The following FBLN7 variants were observed in gnomAD, a reference collection of about 807,000 sequenced individuals.
FBLN7 encodes the protein fibulin 7, also known as fibulin-7.
FBLN7 carries 31 observed loss-of-function variants against 44.0 expected under a neutral mutation model. The observed-to-expected ratio is 0.70, with a 90% CI of 0.53 to 0.95. FBLN7 has a LOEUF of 0.95. FBLN7 is among the 40% of genes least tolerant of loss of function. The probability of loss-of-function intolerance (pLI) is 0.00; values close to 1 mark genes in which losing one functional copy is unlikely to be tolerated. For missense variants in FBLN7, 573 were observed against 618.5 expected, an observed-to-expected ratio of 0.93 and a Z score of 0.78; for synonymous variants, 262 against 253.4, an observed-to-expected ratio of 1.03 and a Z score of -0.32.
the FBLN7 span, among the ~76,000 whole-genome samples, chr2:112,231,503 T>G: frequency 6.6e-6 from 1 of 152,192 alleles, no homozygotes; most frequent in Non-Finnish European, 1.5e-5. Context: ...CCGTAACTTG[T>G]AACTTTCCTT....
intron 1 of FBLN7, chr2:112,151,742 C>G (rs1023361263): frequency 2.0e-5 from 3 of 152,204 alleles, no homozygotes; most frequent in African/African-American, 7.2e-5. Context: ...GAGGAGAAGG[C>G]TCATATACCC....
At chr2:112,159,576 G>A (rs1227662666) in intron 1 of FBLN7, 100 bp from the exon 2 acceptor site, 2 of 1,368,422 alleles carry the variant, frequency 1.5e-6, no homozygotes, top group African/African-American at 1.5e-5. Flanking sequence ...CTTCAAACGC[G>A]GTTTGGACCC....
chr2:112,212,965 C>CTTTTTTTTTTT, the FBLN7 span: 6 of 84,892 alleles, frequency 7.1e-5, no homozygotes, highest in African/African-American at 9.4e-5. Context: ...AGAAGAAATG[C>CTTTTTTTTTTT]TTTTTTTTTT....
chr2:112,179,645 A>G (rs2104598767), intron 4 of FBLN7, among the ~76,000 whole-genome samples: 1 of 152,364 alleles, frequency 6.6e-6, no homozygotes, highest in South Asian at 2.1e-4. Context: ...AAAAACAGGC[A>G]CGTAGACCAA....
chr2:112,171,453 G>A (rs1682454878), intron 3 of FBLN7, among the ~76,000 whole-genome samples: 1 of 152,046 alleles, frequency 6.6e-6, no homozygotes, highest in African/African-American at 2.4e-5. Flanking sequence ...AGGGAGCAGA[G>A]CTTCAGTCCA....
At chr2:112,218,767 G>A in the FBLN7 span, among the ~76,000 whole-genome samples, 413 of 152,252 alleles carry the variant, frequency 2.7e-3, no homozygotes, top group African/African-American at 9.4e-3. Context: ...TATTAGTTAT[G>A]ATTTTGAGGA....
chr2:112,150,843 C>T (rs1681123230), intron 1 of FBLN7, among the ~76,000 whole-genome samples: 1 of 152,304 alleles, frequency 6.6e-6, no homozygotes, highest in South Asian at 2.1e-4. Context: ...GCAGCTGACA[C>T]AGTCCCCACT....
chr2:112,231,691 A>G, the FBLN7 span: 6 of 409,096 alleles, frequency 1.5e-5, no homozygotes, highest in Non-Finnish European at 2.1e-5. Context: ...AAAAATATTT[A>G]AACTGAATTC....
the FBLN7 span, among the ~76,000 whole-genome samples, chr2:112,232,484 C>T: frequency 5.3e-5 from 8 of 151,950 alleles, no homozygotes; most frequent in African/African-American, 1.9e-4. Flanking sequence ...CCTTCATATC[C>T]ATTCTTATAA....
At position 112,165,112 on chromosome 2, in the gene FBLN7, C is replaced by G; in HGVS notation, c.347C>G (p.Pro116Arg). ...AACCCTGGGTTCCGGCTGGTCGGGCCCAGCAGCGTGGTGTGTCTTCCCAAT... is the reference window on the plus strand; with the variant it reads ...AACCCTGGGTTCCGGCTGGTCGGGCGCAGCAGCGTGGTGTGTCTTCCCAAT... The part of the protein sequence containing the change: ...TCNPGFRLVG[P>R]SSVVCLPNGT... The change falls in exon 3 of 8, where the codon CCC becomes CGC. Residue 116 changes from proline (P) to arginine (R), a missense_variant. Pro to Arg is a moderately radical substitution (Grantham distance 103). Transcript: ENST00000331203. The G allele has an allele frequency of 6.2e-7, 1 of 1,614,170 alleles. No individual in the cohort carries two copies.
At chr2:112,236,325 A>G in the FBLN7 span, among the ~76,000 whole-genome samples, 3 of 152,232 alleles carry the variant, frequency 2.0e-5, no homozygotes, top group Non-Finnish European at 2.9e-5. Flanking sequence ...AACAACAGTG[A>G]GAACGCTAAG....
chr2:112,187,195 A>G lies in FBLN7; in HGVS notation c.1009A>G (p.Ile337Val), dbSNP rs770492147. The G allele has an allele frequency of 1.2e-6, 2 of 1,613,508 alleles. No homozygotes were observed. Among genetic ancestry groups the G allele is most frequent in the South Asian group, 1.1e-5 (1 of 91,046 alleles). Residue 337 changes from isoleucine (I) to valine (V), a missense_variant, in exon 8 of 8, where the codon ATC becomes GTC. Transcript: ENST00000331203. The surrounding 1 kb of genome is among the most constrained non-coding windows in gnomAD (Gnocchi z 5.1). Reference protein sequence around the residue: ...SRPCRHLPKTISFHYLSLPSN... With the variant: ...SRPCRHLPKTVSFHYLSLPSN... ...GCCCTGCCGCCATCTGCCCAAGACC[A>G]TCTCCTTCCATTACCTCTCTCTGCC...
chr2:112,175,103 G>C (rs959240802), intron 3 of FBLN7, among the ~76,000 whole-genome samples: 1 of 151,122 alleles, frequency 6.6e-6, no homozygotes, highest in Non-Finnish European at 1.5e-5. Context: ...AGCAAGGAAC[G>C]TCTCCCTTTA....
the FBLN7 span, chr2:112,236,726 C>T: frequency 1.9e-6 from 3 of 1,554,634 alleles, no homozygotes; most frequent in South Asian, 3.5e-5. Context: ...TAAAAAATGA[C>T]ATAAAGTTAC....
chr2:112,214,469 T>C, the FBLN7 span: 1 of 152,152 alleles, frequency 6.6e-6, no homozygotes, highest in African/African-American at 2.4e-5. Flanking sequence ...TTTTAGACTA[T>C]GGTTTTATTA....
chr2:112,174,572 C>T (rs766729834), intron 3 of FBLN7, among the ~76,000 whole-genome samples: 6 of 152,114 alleles, frequency 3.9e-5, no homozygotes, highest in Admixed American at 1.3e-4. Context: ...GTTTTCTTTC[C>T]GAAGATAATG....
Position 112,181,811 on chromosome 2 carries a change from C to A in FBLN7, c.605C>A (p.Ala202Asp). 6.6e-7 allele frequency: 1 copy of A among 1,510,710 alleles called. No individual in the cohort carries two copies. The allele number at this position is 1,510,710 out of a possible 1,614,324, so 93.6% of individuals were successfully genotyped here. ...RAPRCAQVER[A>D]QHCSCEAGFH... ...CCGCGCTGTGCGCAGGTGGAGCGGG[C>A]TCAGCACTGCAGCTGCGAGGCCGGA... The change falls in exon 5 of 8, where the codon GCT (alanine) becomes GAT (aspartate). Residue 202 changes from alanine (A) to aspartate (D), a missense_variant. Ala to Asp is a moderately radical substitution (Grantham distance 126). Coordinates refer to ENST00000331203, the MANE Select transcript of FBLN7 (RefSeq NM_153214.3).
chr2:112,238,279 G>A, the FBLN7 span: 1 of 1,595,522 alleles, frequency 6.3e-7, no homozygotes, highest in East Asian at 2.2e-5. Flanking sequence ...TGCTTCTCTA[G>A]ATAAACTTTA....
chr2:112,195,632 T>G, the FBLN7 span, among the ~76,000 whole-genome samples: 1 of 152,190 alleles, frequency 6.6e-6, no homozygotes, highest in Non-Finnish European at 1.5e-5. Context: ...TAGGGAGTCT[T>G]TCTCATACTA....
Sources: gnomAD v4.1 joint callset for allele counts (sites outside exome capture counted in the v4.1 genomes callset) on GRCh38, gnomAD v4.1.1 for gene constraint, Gnocchi (gnomAD v3.1) non-coding constraint, MANE v1.5 for transcripts, NCBI Gene and HGNC (gene_info 2026-07-23, HGNC 2026-07-21) for gene names.